MED6: variants seen among roughly 807,000 people sequenced by gnomAD.
The protein encoded by MED6 is mediator of RNA polymerase II transcription subunit 6.
A neutral mutation model predicts 37.5 loss-of-function variants in MED6; 33 were observed. That is an observed-to-expected ratio of 0.88 (90% CI 0.67 to 1.18). MED6 has a LOEUF of 1.18. Ranked by LOEUF, MED6 falls within the 50% of genes most tolerant of loss-of-function variation. The pLI is 0.00. For synonymous variants in MED6, 94 were observed against 93.6 expected (o/e 1.00, Z -0.02); for missense variants, 235 against 290.6 (o/e 0.81, Z 1.39).
chr14:70,595,455 G>A, intron 3 of MED6: 4 of 608,846 alleles, frequency 6.6e-6, no homozygotes, highest in South Asian at 6.3e-5. Context: ...CCAGTCCTTG[G>A]AGACTGACCT....
At position 70,584,944 on chromosome 14, in the gene MED6, C is replaced by A; in HGVS notation, c.611-1G>T. The A allele has an allele frequency of 6.2e-7, 1 of 1,612,136 alleles. No homozygotes were observed. The highest frequency in any genetic ancestry group is 8.5e-7 in the Non-Finnish European group (1 of 1,179,546). Reference sequence around the variant, plus strand: ...TCTGCCTCTTTCTTTGTTTGATCCACTAGATATCAAAAGTAGATTTTTTGG... The same window carrying A: ...TCTGCCTCTTTCTTTGTTTGATCCAATAGATATCAAAAGTAGATTTTTTGG... On this transcript the variant is annotated splice_acceptor_variant, in intron 7 of 7. Coordinates refer to ENST00000256379, the MANE Select transcript of MED6 (RefSeq NM_005466.4). LOFTEE classifies it high-confidence loss of function.
chr14:70,591,222 T>C (rs1405533907), intron 6 of MED6, 44 bp downstream of exon 6: 3 of 1,393,562 alleles, frequency 2.2e-6, no homozygotes, highest in Non-Finnish European at 3.0e-6. Flanking sequence ...ATATATGCCA[T>C]AAAGAAGTGT....
chr14:70,590,180 C>G (rs1884827391), intron 6 of MED6, among the ~76,000 whole-genome samples: 2 of 152,194 alleles, frequency 1.3e-5, no homozygotes, highest in East Asian at 3.9e-4. Context: ...GGTTACCATA[C>G]TGGACAGCAC....
chr14:70,591,447 T>A, intron 5 of MED6, 66 bp from the exon 6 acceptor site: 1 of 1,271,650 alleles, frequency 7.9e-7, no homozygotes. Flanking sequence ...ATTTTACAAA[T>A]CTTTATCCAC....
intron 3 of MED6, among the ~76,000 whole-genome samples, chr14:70,593,724 T>C (rs925265831): frequency 6.6e-6 from 1 of 152,206 alleles, no homozygotes; most frequent in Non-Finnish European, 1.5e-5. Context: ...TAAAATTAGA[T>C]TCTTATTCAG....
chr14:70,591,211 T>C (rs1186634576), intron 6 of MED6, 55 bp downstream of exon 6: 7 of 1,281,458 alleles, frequency 5.5e-6, no homozygotes, highest in Non-Finnish European at 7.8e-6. Context: ...TAAAAATTAA[T>C]ATATATGCCA....
At chr14:70,586,349 A>C (rs543192922) in intron 6 of MED6, among the ~76,000 whole-genome samples, 3 of 152,186 alleles carry the variant, frequency 2.0e-5, no homozygotes, top group Non-Finnish European at 2.9e-5. Context: ...TTCACTCTGC[A>C]AGCAATTCTT....
Position 70,591,310 on chromosome 14 carries a change from A to C in MED6, c.538T>G (p.Leu180Val). 6.2e-7 allele frequency: 1 copy of C among 1,612,248 alleles called. No homozygotes were observed. ...SIFQRQRVDA[L>V]LLDLRQKFPP... ...AATTTTTGTCTGAGGTCTAAAAGTA[A>C]AGCATCCACACGTTGTCTCTGAAAA... Residue 180 changes from leucine to valine, a missense_variant, in exon 6 of 8, where the codon TTA (leucine) becomes GTA (valine). Coordinates refer to ENST00000256379, the MANE Select transcript of MED6 (RefSeq NM_005466.4).
rs115054256 is a variant in MED6, at chr14:70,584,672, G to A, written c.*141C>T. 1.5e-3 allele frequency: 1,716 copies of A among 1,126,696 alleles called. 13 individuals are homozygous for A. In the African/African-American group the frequency reaches 0.023, roughly 15 times the overall value. The allele number at this position is 1,126,696 out of a possible 1,614,324, so 69.8% of individuals were successfully genotyped here. On this transcript the variant is annotated 3_prime_UTR_variant, in exon 8 of 8. Coordinates refer to ENST00000256379, the MANE Select transcript of MED6 (RefSeq NM_005466.4). ...ATTACAGGCGTGAGCCACCACATCC[G>A]GCCTAATATCCTTTCAAAAAATAAG...
intron 6 of MED6, among the ~76,000 whole-genome samples, chr14:70,588,379 A>G (rs1277172190): frequency 6.6e-6 from 1 of 152,118 alleles, no homozygotes. Flanking sequence ...TGAAATCTGC[A>G]GTCTGCTTAA....
Position 70,594,784 on chromosome 14 carries a change from C to A in MED6, c.275-1406G>T, listed in dbSNP as rs1019237625. 2.3e-5 allele frequency: 13 copies of A among 572,868 alleles called. No homozygotes were observed. The Admixed American group carries it at 3.1e-4, about 14-fold the overall frequency. The allele number at this position is 572,868 out of a possible 1,614,324, so 35.5% of individuals were successfully genotyped here. ...TAGCAGGAATGGGAGGCATCCAGAA[C>A]GAGGAGGAGACCATGCAAAGCCTGA... On this transcript the variant is annotated intron_variant, in intron 3 of 7. Coordinates refer to ENST00000256379, the MANE Select transcript of MED6 (RefSeq NM_005466.4).
In MED6 at chr14:70,587,331, A is replaced by G. The variant is rs890201649; in HGVS notation, c.583-1548T>C. 2.6e-4 allele frequency among the ~76,000 whole-genome samples: 40 copies of G among 152,352 alleles called. 1 individual carries two copies. Among genetic ancestry groups the G allele is most frequent in the Admixed American group, 1.6e-3 (25 of 15,312 alleles). On this transcript the variant is annotated intron_variant, in intron 6 of 7. Coordinates refer to ENST00000256379, the MANE Select transcript of MED6 (RefSeq NM_005466.4). ...ATAAATCTTAGCTGAGTACAACTAC[A>G]TGCTGAGTCCTCTGAGTCCTGCTAG...
intron 3 of MED6, chr14:70,594,934 T>A: frequency 1.6e-6 from 1 of 609,818 alleles, no homozygotes; most frequent in Non-Finnish European, 3.2e-6. Flanking sequence ...GGTCAGAGAT[T>A]GGGGCCATTA....
chr14:70,590,436 A>ACAATTC (rs1884835174), intron 6 of MED6, among the ~76,000 whole-genome samples: 1 of 152,138 alleles, frequency 6.6e-6, no homozygotes, highest in Non-Finnish European at 1.5e-5. Context: ...CCACTACATC[A>ACAATTC]CAATTCCAAT....
Position 70,584,938 on chromosome 14 carries a change from G to A in MED6, c.616C>T (p.Gln206Ter), listed in dbSNP as rs1884660425. 1 of 1,612,500 alleles carries A rather than the reference G, an allele frequency of 6.2e-7. No individual in the cohort carries two copies. Among genetic ancestry groups the A allele is most frequent in the South Asian group, 1.1e-5 (1 of 90,722 alleles). Residue 206 changes from glutamine (Q) to a stop codon, truncating the protein, a stop_gained, in exon 8 of 8, where the codon CAA (glutamine) becomes TAA (stop). Coordinates refer to ENST00000256379, the MANE Select transcript of MED6 (RefSeq NM_005466.4). LOFTEE classifies it high-confidence loss of function. ...ATAGGTTCTGCCTCTTTCTTTGTTT[G>A]ATCCACTAGATATCAAAAGTAGATT... ...KPGEKPVPVD[Q>*]TKKEAEPIPE...
At chr14:70,596,011 G>A (rs1885035250) in intron 3 of MED6, among the ~76,000 whole-genome samples, 1 of 152,206 alleles carries the variant, frequency 6.6e-6, no homozygotes, top group African/African-American at 2.4e-5. Context: ...AGTTGTCCTT[G>A]GGCATGCTCC....
chr14:70,592,683 A>G, intron 5 of MED6, 197 bp downstream of exon 5: 2 of 459,892 alleles, frequency 4.3e-6, no homozygotes, highest in Non-Finnish European at 7.8e-6. Flanking sequence ...TAACTAACAG[A>G]GTGAACTTGC....
rs1454487833 is a variant in MED6, at chr14:70,584,242, T to C, written c.*571A>G. 4.2e-6 allele frequency: 3 copies of C among 719,466 alleles called. No homozygotes were observed. The highest frequency in any genetic ancestry group is 1.8e-5 in the African/African-American group (1 of 56,694). 44.6% of individuals were successfully genotyped at this position (719,466 alleles called of 1,614,324 possible). ...AAAAAAGTCATGATGAAGCAATATA[T>C]ACAAATACCTTTATTTTGCTTTTAA... On this transcript the variant is annotated 3_prime_UTR_variant, in exon 8 of 8. Coordinates refer to ENST00000256379, the MANE Select transcript of MED6 (RefSeq NM_005466.4).
At chr14:70,589,023 A>C (rs1367896061) in intron 6 of MED6, among the ~76,000 whole-genome samples, 2 of 152,152 alleles carry the variant, frequency 1.3e-5, no homozygotes, top group African/African-American at 4.8e-5. Flanking sequence ...GTTGTCTTTC[A>C]CTGGAGTACC....
Sources: allele counts gnomAD v4.1 joint callset (sites outside exome capture counted in the v4.1 genomes callset), GRCh38; gene constraint gnomAD v4.1.1; transcripts MANE v1.5; gene names NCBI Gene and HGNC (gene_info 2026-07-23, HGNC 2026-07-21).